ATXN7L3: variants seen among roughly 807,000 people sequenced by gnomAD.
ATXN7L3 encodes the protein ataxin-7-like protein 3.
Under a neutral mutation model 50.0 loss-of-function variants are expected in ATXN7L3, and 6 were observed. That is an observed-to-expected ratio of 0.12 (90% confidence interval 0.07 to 0.24). The LOEUF (loss-of-function observed/expected upper bound fraction) is 0.24. Among genes scored for constraint, ATXN7L3 ranks in the 10% least tolerant of loss-of-function variants. The probability of loss-of-function intolerance (pLI) is 1.00; values close to 1 mark genes in which losing one functional copy is unlikely to be tolerated. For synonymous variants in ATXN7L3, 198 were observed against 165.8 expected (o/e 1.19, Z -1.49); for missense variants, 322 against 451.3 (o/e 0.71, Z 2.60).
Position 44,192,064 on chromosome 17 carries a change from C to CG in ATXN7L3, c.*2198_*2199insC, listed in dbSNP as rs1567770489. The CG allele has an allele frequency of 1.3e-5, 2 of 152,348 alleles. No individual in the cohort carries two copies. Among genetic ancestry groups the CG allele is most frequent in the East Asian group, 3.9e-4 (2 of 5,170 alleles). 9.4% of individuals were successfully genotyped at this position (152,348 alleles called of 1,614,324 possible). ...ACCGGCCATGGAAATTAGTACAGAACCCCCCCACACACACTCAGACACAGG... is the reference window on the plus strand; with the variant it reads ...ACCGGCCATGGAAATTAGTACAGAACGCCCCCCACACACACTCAGACACAGG... On this transcript the variant is annotated 3_prime_UTR_variant, in exon 13 of 13. Coordinates refer to ENST00000587097, the MANE Select transcript of ATXN7L3 (RefSeq NM_001382309.1).
intron 5 of ATXN7L3, 49 bp from the exon 6 acceptor site, chr17:44,196,467 T>C: frequency 6.2e-7 from 1 of 1,611,486 alleles, no homozygotes; most frequent in Non-Finnish European, 8.5e-7. Context: ...AAGTTCTCAA[T>C]CTAAAAGCAT....
At chr17:44,199,459 T>G (rs994052686) in intron 1 of ATXN7L3, 37 bp downstream of exon 1, 1 of 15,790 alleles carries the variant, frequency 6.3e-5, no homozygotes, top group Non-Finnish European at 1.4e-4. Context: ...CACAGGCCCC[T>G]CCCCCGTCCC....
At position 44,195,844 on chromosome 17, in the gene ATXN7L3, G is replaced by A. The variant is rs1354194689; in HGVS notation, c.524-16C>T. 3.7e-6 allele frequency: 6 copies of A among 1,608,614 alleles called. No homozygotes were observed. The East Asian group carries it at 8.9e-5, about 24-fold the overall frequency. Reference sequence around the variant, plus strand: ...CTAAGTTCCCCTGAAGAAGAAAAAAGAAGGGGAAGGGTGTTTGATGCAGAG... The same window carrying A: ...CTAAGTTCCCCTGAAGAAGAAAAAAAAAGGGGAAGGGTGTTTGATGCAGAG... On this transcript the variant is annotated splice_polypyrimidine_tract_variant and intron_variant, in intron 7 of 12. Transcript: ENST00000587097.
chr17:44,198,146 T>TGG lies in ATXN7L3; in HGVS notation c.-60-18_-60-17dup. 1 of 1,467,916 alleles carries TGG rather than the reference T, an allele frequency of 6.8e-7. No individual in the cohort carries two copies. The highest frequency in any genetic ancestry group is 9.5e-7 in the Non-Finnish European group (1 of 1,056,658). The allele number at this position is 1,467,916 out of a possible 1,614,324, so 90.9% of individuals were successfully genotyped here. A position where few individuals can be genotyped will look rare whatever the true frequency, so the allele number is the denominator to read the frequency against. On this transcript the variant is annotated splice_polypyrimidine_tract_variant and intron_variant, in intron 1 of 12. Coordinates refer to ENST00000587097, the MANE Select transcript of ATXN7L3 (RefSeq NM_001382309.1). ...GGCAACACGGCTGCACACACGGGGG[T>TGG]GGGGGTGTTGTTGTGAGTCCAAGGC...
chr17:44,195,758 C>T, intron 8 of ATXN7L3, 42 bp downstream of exon 8: 2 of 1,566,488 alleles, frequency 1.3e-6, no homozygotes, highest in Non-Finnish European at 1.8e-6. Flanking sequence ...CACCTCACAA[C>T]CAGGACAATG....
In ATXN7L3 at chr17:44,191,843, T is replaced by C. The variant is rs1451950774; in HGVS notation, c.*2420A>G. 5.2e-6 allele frequency: 3 copies of C among 581,176 alleles called. No individual in the cohort carries two copies. Among genetic ancestry groups the C allele is most frequent in the Non-Finnish European group, 6.5e-6 (3 of 461,054 alleles). The allele number at this position is 581,176 out of a possible 1,614,324, so 36.0% of individuals were successfully genotyped here. ...TGCAGTTTATTTACACCAGCAGCCA[T>C]GGGGGCAGAGGGAATACACAGCGTT... is the stretch of plus-strand genomic sequence containing the variant. On this transcript the variant is annotated 3_prime_UTR_variant, in exon 13 of 13. Transcript: ENST00000587097.
intron 3 of ATXN7L3, 82 bp from the exon 4 acceptor site, chr17:44,197,481 T>C (rs1001396665): frequency 6.3e-7 from 1 of 1,577,968 alleles, no homozygotes; most frequent in Non-Finnish European, 8.6e-7. Flanking sequence ...GCCTCTTCAA[T>C]CCCTCCCCCG....
At chr17:44,196,102 T>G in intron 6 of ATXN7L3, 23 bp from the exon 7 acceptor site, 1 of 1,611,380 alleles carries the variant, frequency 6.2e-7, no homozygotes, top group Non-Finnish European at 8.5e-7. Context: ...ATACCATAGC[T>G]TTGGGGAAAG....
chr17:44,191,853 G>A lies in ATXN7L3; in HGVS notation c.*2410C>T, dbSNP rs1159633221. ...TTACACCAGCAGCCATGGGGGCAGA[G>A]GGAATACACAGCGTTTACAAAGTTA... On this transcript the variant is annotated 3_prime_UTR_variant, in exon 13 of 13. Coordinates refer to ENST00000587097, the MANE Select transcript of ATXN7L3 (RefSeq NM_001382309.1). The A allele has an allele frequency of 1.0e-5, 5 of 491,224 alleles. No individual in the cohort carries two copies. The highest frequency in any genetic ancestry group is 8.7e-5 in the South Asian group (1 of 11,542). 30.4% of individuals were successfully genotyped at this position (491,224 alleles called of 1,614,324 possible).
Position 44,191,942 on chromosome 17 carries a change from A to T in ATXN7L3, c.*2321T>A, listed in dbSNP as rs2055670452. On this transcript the variant is annotated 3_prime_UTR_variant, in exon 13 of 13. Transcript: ENST00000587097. ...AATCTCAAGACCACAGGACAGCGTG[A>T]GCCCCACCCCCCTCCCCCAATGACC... 1 of 169,686 alleles carries T rather than the reference A, an allele frequency of 5.9e-6. No individual in the cohort carries two copies. Among genetic ancestry groups the T allele is most frequent in the Non-Finnish European group, 1.2e-5 (1 of 83,792 alleles). 10.5% of individuals were successfully genotyped at this position (169,686 alleles called of 1,614,324 possible). A position where few individuals can be genotyped will look rare whatever the true frequency, so the allele number is the denominator to read the frequency against.
chr17:44,194,761 C>T lies in ATXN7L3; in HGVS notation c.737+7G>A, dbSNP rs773302205. Reference sequence around the variant, plus strand: ...CAACCCCCCACCCTTCCTGTAGGGCCACTTACGCCGAGGGCCCGAGAAAAT... The same window carrying T: ...CAACCCCCCACCCTTCCTGTAGGGCTACTTACGCCGAGGGCCCGAGAAAAT... On this transcript the variant is annotated splice_region_variant and intron_variant, in intron 11 of 12. Coordinates refer to ENST00000587097, the MANE Select transcript of ATXN7L3 (RefSeq NM_001382309.1). 4.3e-6 allele frequency: 7 copies of T among 1,614,090 alleles called. No homozygotes were observed. In the East Asian group the frequency reaches 1.6e-4, roughly 36 times the overall value.
chr17:44,196,226 T>TGCCCCCCCCCCCCCAGGCCCCCC, intron 6 of ATXN7L3, 147 bp from the exon 7 acceptor site: 1 of 737,696 alleles, frequency 1.4e-6, no homozygotes, highest in Non-Finnish European at 2.1e-6. Flanking sequence ...CCATGTGCCC[T>TGCCCCCCCCCCCCCAGGCCCCCC]CCCCCACCCC....
chr17:44,195,202 T>C (rs1332688838), intron 9 of ATXN7L3, 62 bp from the exon 10 acceptor site: 3 of 1,553,222 alleles, frequency 1.9e-6, no homozygotes, highest in Non-Finnish European at 2.7e-6. Flanking sequence ...TGTTAGATGT[T>C]TCTTTCTGTA....
In ATXN7L3 at chr17:44,199,724, C is replaced by G. The variant is rs2144501182; in HGVS notation, c.-289G>C. On this transcript the variant is annotated 5_prime_UTR_variant, in exon 1 of 13. Coordinates refer to ENST00000587097, the MANE Select transcript of ATXN7L3 (RefSeq NM_001382309.1). ...CTTGTCCCGTCGCCGCCTCCTCCTC[C>G]TCACCTCACCCCGCCCGCGCGCAGT... is the stretch of plus-strand genomic sequence containing the variant. 1 of 144,016 alleles carries G rather than the reference C, an allele frequency of 6.9e-6. No homozygotes were observed. The highest frequency in any genetic ancestry group is 1.5e-5 in the Non-Finnish European group (1 of 64,558). The allele number at this position is 144,016 out of a possible 1,614,324, so 8.9% of individuals were successfully genotyped here.
intron 3 of ATXN7L3, 23 bp downstream of exon 3, chr17:44,197,575 T>C (rs138815733): frequency 1.2e-6 from 2 of 1,614,082 alleles, no homozygotes; most frequent in Non-Finnish European, 1.7e-6. Flanking sequence ...GCTGGACTGC[T>C]GCTCCTTCAC....
In ATXN7L3 at chr17:44,197,210, C is replaced by A. The variant is rs369975020; in HGVS notation, c.356+18G>T. On this transcript the variant is annotated intron_variant, in intron 4 of 12. Transcript: ENST00000587097. ...CATGGCACAGGCTGCAGAGAACGGG[C>A]AGCTCTGGTTCCCTCACCGGCGGTT... is the stretch of plus-strand genomic sequence containing the variant. 255 of 1,581,692 alleles carry A rather than the reference C, an allele frequency of 1.6e-4. 3 individuals are homozygous for A. In the South Asian group the frequency reaches 1.9e-3, roughly 12 times the overall value.
Position 44,194,293 on chromosome 17 carries a change from C to T in ATXN7L3, c.1014G>A (p.Pro338=), listed in dbSNP as rs115562448. ...TGATGTCATCATAGATGCTGGGCGT[C>T]GGGGGTGCCGGTGGCTTTGGCTTCT... ...KKKKPKPPAP[P]TPSIYDDIN The change falls in exon 13 of 13, where the codon CCG becomes CCA. Residue 338 remains proline (P), a synonymous_variant. Transcript: ENST00000587097. The T allele has an allele frequency of 1.9e-4, 304 of 1,614,166 alleles. No homozygotes were observed. In the African/African-American group the frequency reaches 3.5e-3, roughly 19 times the overall value.
intron 5 of ATXN7L3, 73 bp from the exon 6 acceptor site, chr17:44,196,491 T>C (rs2055896955): frequency 5.0e-6 from 8 of 1,598,220 alleles, no homozygotes; most frequent in Non-Finnish European, 6.0e-6. Flanking sequence ...AAGAAAACCA[T>C]ACAACAGGCT....
Position 44,197,028 on chromosome 17 carries a change from TGCCAAGGGGAGGGAAGAGAAAGGG to T in ATXN7L3, c.357-26_357-3del, listed in dbSNP as rs1159256899. The T allele has an allele frequency of 6.2e-7, 1 of 1,609,470 alleles. No homozygotes were observed. The highest frequency in any genetic ancestry group is 1.1e-5 in the South Asian group (1 of 90,948). ...TTCATATTGTTGCTATTGGCAATCC[TGCCAAGGGGAGGGAAGAGAAAGGG>T]GCCAAGGGGAAGGAAGAGAAAGGGG... On this transcript the variant is annotated splice_polypyrimidine_tract_variant and splice_region_variant and intron_variant, in intron 4 of 12. Transcript: ENST00000587097.
Sources: gnomAD v4.1 joint callset for allele counts on GRCh38, gnomAD v4.1.1 for gene constraint, MANE v1.5 for transcripts, NCBI Gene and HGNC (gene_info 2026-07-23, HGNC 2026-07-21) for gene names.